OTOF: variants seen among roughly 807,000 people sequenced by gnomAD.
OTOF encodes fer-1-like family member 2.
OTOF carries 218 observed loss-of-function variants against 236.8 expected under a neutral mutation model. That is an observed-to-expected ratio of 0.92 (90% CI 0.82 to 1.03). The LOEUF (loss-of-function observed/expected upper bound fraction) is 1.03, where lower values mean the gene tolerates loss of function less well. OTOF is among the 50% of genes least tolerant of loss of function. The probability of loss-of-function intolerance (pLI) is 0.00; values close to 1 mark genes in which losing one functional copy is unlikely to be tolerated. For missense variants in OTOF, 2,590 were observed against 2,694.4 expected (o/e 0.96, Z 0.86); for synonymous variants, 1,041 against 1,072.5 (o/e 0.97, Z 0.57).
At chr2:26,551,967 A>G (rs998920489) in intron 1 of OTOF, among the ~76,000 whole-genome samples, 1 of 152,026 alleles carries the variant, frequency 6.6e-6, no homozygotes, top group African/African-American at 2.4e-5. Flanking sequence ...GTAGGATGGG[A>G]TGCAAATGAA....
intron 26 of OTOF, 92 bp downstream of exon 26, chr2:26,474,420 AG>A: frequency 8.6e-6 from 1 of 116,462 alleles, no homozygotes; most frequent in Non-Finnish European, 1.5e-5. Flanking sequence ...CCCAGACCCC[AG>A]GCCCCAGCCT....
rs757690263 is a variant in OTOF at position 26,476,171 on chromosome 2, G to A, written c.2823C>T (p.Gly941=). ...CGFQEVKAAQ[G]LGLHAFPPVS... ...CGGGTGGGAAGGCATGCAGGCCCAGGCCCTGGGCTGCCTTGACCTCCTGGA... is the reference window on the plus strand; with the variant it reads ...CGGGTGGGAAGGCATGCAGGCCCAGACCCTGGGCTGCCTTGACCTCCTGGA... Residue 941 remains glycine, a synonymous_variant, in exon 23 of 47, where the codon GGC becomes GGT. Transcript: ENST00000272371. 1.9e-6 allele frequency: 3 copies of A among 1,610,962 alleles called. No homozygotes were observed. The highest frequency in any genetic ancestry group is 2.2e-5 in the East Asian group (1 of 44,866).
At position 26,477,463 on chromosome 2, in the gene OTOF, G is replaced by C. The variant is rs574277214; in HGVS notation, c.2359C>G (p.Arg787Gly). The part of the protein sequence containing the change: ...LADKDQGHSS[R>G]TRLDRERLKS... ...AGGCGCTCCCGGTCAAGCCTGGTGC[G>C]GGATGAGTGGCCCTGGTCCTTGTCA... The change falls in exon 20 of 47, where the codon CGC (arginine) becomes GGC (glycine). Residue 787 changes from arginine (R) to glycine (G), a missense_variant. By Grantham distance (125) the Arg-to-Gly change is moderately radical. Transcript: ENST00000272371. This position sits in a 1 kb window ranked among gnomAD's most constrained non-coding sequence, Gnocchi z 4.7. 6.2e-7 allele frequency: 1 copy of C among 1,603,244 alleles called. No individual in the cohort carries two copies. The highest frequency in any genetic ancestry group is 8.5e-7 in the Non-Finnish European group (1 of 1,175,814).
At chr2:26,481,433 G>A (rs1190890697) in intron 14 of OTOF, among the ~76,000 whole-genome samples, 1 of 152,166 alleles carries the variant, frequency 6.6e-6, no homozygotes, top group African/African-American at 2.4e-5. Context: ...ATCTCTGCCT[G>A]TGAAATGCTG....
chr2:26,467,044 T>TTG, intron 35 of OTOF, 55 bp downstream of exon 35: 3 of 1,301,674 alleles, frequency 2.3e-6, no homozygotes, highest in Non-Finnish European at 1.0e-6. Flanking sequence ...GGGGAACCTG[T>TTG]GGGGGGGGCA....
chr2:26,478,677 G>A (rs1461349701), intron 18 of OTOF, among the ~76,000 whole-genome samples: 1 of 138,742 alleles, frequency 7.2e-6, no homozygotes, highest in African/African-American at 2.9e-5. Flanking sequence ...CCCTAGCCTT[G>A]CTTTTTTATT....
Position 26,462,292 on chromosome 2 carries a change from C to T in OTOF, c.5193-111G>A. ...AAGCCCTGGGGTCTTGGGGTCAGCA[C>T]AGGGCCTGGGCCAGGCTGGGGCTGG... is the stretch of plus-strand genomic sequence containing the variant. On this transcript the variant is annotated intron_variant, in intron 41 of 46. Transcript: ENST00000272371. This position sits in a 1 kb window ranked among gnomAD's most constrained non-coding sequence, Gnocchi z 4.7. 2 of 950,320 alleles carry T rather than the reference C, an allele frequency of 2.1e-6. No individual in the cohort carries two copies. The highest frequency in any genetic ancestry group is 2.4e-5 in the East Asian group (1 of 41,604). 58.9% of individuals were successfully genotyped at this position (950,320 alleles called of 1,614,324 possible). A position where few individuals can be genotyped will look rare whatever the true frequency, so the allele number is the denominator to read the frequency against.
chr2:26,498,466 A>T (rs1396436094), intron 8 of OTOF, among the ~76,000 whole-genome samples: 1 of 152,196 alleles, frequency 6.6e-6, no homozygotes, highest in Non-Finnish European at 1.5e-5. Context: ...TTGAAATAAA[A>T]AATAAAAAAT....
intron 1 of OTOF, among the ~76,000 whole-genome samples, chr2:26,557,452 T>C (rs907198478): frequency 6.6e-6 from 1 of 152,086 alleles, no homozygotes; most frequent in African/African-American, 2.4e-5. Flanking sequence ...GGCCCTGCCT[T>C]TCCCCACTTA....
At chr2:26,539,635 C>A (rs1667163169) in intron 1 of OTOF, among the ~76,000 whole-genome samples, 1 of 151,956 alleles carries the variant, frequency 6.6e-6, no homozygotes, top group African/African-American at 2.4e-5. Context: ...CTCAAGAGGC[C>A]GAGGCAGGAG....
Position 26,540,376 on chromosome 2 carries a change from T to A in OTOF, c.80-2602A>T, listed in dbSNP as rs1667183244. Among the ~76,000 whole-genome samples, 4 of 152,182 alleles carry A rather than the reference T, an allele frequency of 2.6e-5. No homozygotes were observed. In the South Asian group the frequency reaches 8.3e-4, roughly 31 times the overall value. On this transcript the variant is annotated intron_variant, in intron 1 of 46. Coordinates refer to ENST00000272371, the MANE Select transcript of OTOF (RefSeq NM_194248.3). ...ATGGGTGGAGCGGACTGTGCTCCTC[T>A]CCCTACAGAAAACCTGGGAGCCCGG...
intron 36 of OTOF, 48 bp downstream of exon 36, chr2:26,466,666 T>C: frequency 6.2e-7 from 1 of 1,607,832 alleles, no homozygotes; most frequent in Non-Finnish European, 8.5e-7. Context: ...CTCTCCCAGA[T>C]GGGAGGATGA....
chr2:26,501,010 C>G (rs1666104128), intron 8 of OTOF, among the ~76,000 whole-genome samples: 1 of 152,328 alleles, frequency 6.6e-6, no homozygotes, highest in South Asian at 2.1e-4. Flanking sequence ...AGCATTCTAA[C>G]TCAATCCTAG....
Position 26,489,305 on chromosome 2 carries a change from A to G in OTOF, c.961-10T>C, listed in dbSNP as rs751224169. ...TCTTGGAGTGAATCACCTTTCAGGC[A>G]GAACCACAGCCCACCCGTCAGGCCC... On this transcript the variant is annotated splice_polypyrimidine_tract_variant and intron_variant, in intron 10 of 46. Coordinates refer to ENST00000272371, the MANE Select transcript of OTOF (RefSeq NM_194248.3). 1.0e-5 allele frequency: 16 copies of G among 1,607,398 alleles called. No homozygotes were observed. The highest frequency in any genetic ancestry group is 1.3e-5 in the Non-Finnish European group (15 of 1,176,168).
In OTOF at chr2:26,502,243, C is replaced by A. The variant is rs190400215; in HGVS notation, c.710+57G>T. 20 of 1,603,642 alleles carry A rather than the reference C, an allele frequency of 1.2e-5. No individual in the cohort carries two copies. The African/African-American group carries it at 1.7e-4, about 14-fold the overall frequency. On this transcript the variant is annotated intron_variant, in intron 7 of 46. Transcript: ENST00000272371. The stretch of plus-strand genomic sequence containing the variant: ...TACCCAAATTCCAATCATGGCAAGC[C>A]AGGTCCTGCCTGACAGGGTGGGGGC...
chr2:26,505,440 C>G (rs1000122339), intron 5 of OTOF, among the ~76,000 whole-genome samples: 1 of 136,712 alleles, frequency 7.3e-6, no homozygotes, highest in Non-Finnish European at 1.7e-5. Flanking sequence ...CACACAGACA[C>G]ACACACACAC....
chr2:26,483,197 G>GT (rs1558491503), intron 13 of OTOF, among the ~76,000 whole-genome samples: 42 of 151,942 alleles, frequency 2.8e-4, no homozygotes, highest in Admixed American at 2.0e-3. Context: ...GCGTGTATGA[G>GT]TGGGTGCATG....
At chr2:26,556,674 T>C (rs1667593293) in intron 1 of OTOF, among the ~76,000 whole-genome samples, 1 of 152,074 alleles carries the variant, frequency 6.6e-6, no homozygotes, top group Admixed American at 6.5e-5. Flanking sequence ...GATAAAGAGC[T>C]TGCAAGATTG....
At position 26,531,597 on chromosome 2, in the gene OTOF, G is replaced by A. The variant is rs1322029723; in HGVS notation, c.139-3677C>T. Among the ~76,000 whole-genome samples the A allele has an allele frequency of 4.6e-5, 7 of 152,186 alleles. No individual in the cohort carries two copies. The East Asian group carries it at 9.6e-4, about 21-fold the overall frequency. The stretch of plus-strand genomic sequence containing the variant: ...CGCCATCACTTTCCTCTTCTGCCTC[G>A]GCCTGTGGATTTCACGTGTCTCTTT... On this transcript the variant is annotated intron_variant, in intron 2 of 46. Transcript: ENST00000272371.
Sources: gnomAD v4.1 joint callset for allele counts (sites outside exome capture counted in the v4.1 genomes callset) on GRCh38, gnomAD v4.1.1 for gene constraint, Gnocchi (gnomAD v3.1) non-coding constraint, MANE v1.5 for transcripts, NCBI Gene and HGNC (gene_info 2026-07-23, HGNC 2026-07-21) for gene names.